The following MAN2A1 variants were observed in gnomAD, a reference collection of about 807,000 sequenced individuals.
The protein encoded by MAN2A1 is alpha-mannosidase 2.
Under a neutral mutation model 142.6 loss-of-function variants are expected in MAN2A1, and 76 were observed. That is an observed-to-expected ratio of 0.53 (90% CI 0.44 to 0.65). MAN2A1 has a LOEUF of 0.65. Ranked by LOEUF, MAN2A1 falls within the 30% of genes least tolerant of loss-of-function variation. The pLI is 0.00. For missense variants in MAN2A1, 1,311 were observed against 1,365.1 expected, an observed-to-expected ratio of 0.96 and a Z score of 0.62; for synonymous variants, 559 against 473.2, an observed-to-expected ratio of 1.18 and a Z score of -2.35.
intron 20 of MAN2A1, among the ~76,000 whole-genome samples, chr5:109,857,378 A>G (rs1755652033): frequency 6.6e-6 from 1 of 152,190 alleles, no homozygotes; most frequent in South Asian, 2.1e-4. Context: ...TTCATGAGCT[A>G]AAAGAAACAG....
At chr5:109,718,760 G>C (rs1471073936) in intron 3 of MAN2A1, among the ~76,000 whole-genome samples, 1 of 152,158 alleles carries the variant, frequency 6.6e-6, no homozygotes, top group East Asian at 1.9e-4. Context: ...TAGAATGTTA[G>C]CTCATTAAGG....
intron 8 of MAN2A1, among the ~76,000 whole-genome samples, chr5:109,779,932 G>C (rs1753406449): frequency 6.6e-6 from 1 of 152,082 alleles, no homozygotes; most frequent in African/African-American, 2.4e-5. Flanking sequence ...ACCACAACTA[G>C]ATTACAGTCA....
intron 19 of MAN2A1, among the ~76,000 whole-genome samples, chr5:109,853,259 A>C (rs1317369081): frequency 2.6e-5 from 4 of 152,072 alleles, no homozygotes; most frequent in Non-Finnish European, 5.9e-5. Flanking sequence ...AGGGTCATGG[A>C]GCAGTGTGCG....
At chr5:109,795,604 T>C (rs1753838106) in intron 12 of MAN2A1, among the ~76,000 whole-genome samples, 1 of 152,154 alleles carries the variant, frequency 6.6e-6, no homozygotes, top group African/African-American at 2.4e-5. Flanking sequence ...AAAAATGCAA[T>C]TACTTGCTGA....
At chr5:109,707,334 G>A (rs1751162427) in intron 1 of MAN2A1, among the ~76,000 whole-genome samples, 1 of 152,012 alleles carries the variant, frequency 6.6e-6, no homozygotes, top group Admixed American at 6.6e-5. Flanking sequence ...GGGTTTGTAT[G>A]CCAAAACATT....
At chr5:109,844,048 G>A (rs573888165) in intron 17 of MAN2A1, among the ~76,000 whole-genome samples, 1 of 152,164 alleles carries the variant, frequency 6.6e-6, no homozygotes, top group East Asian at 1.9e-4. Context: ...ATGTTAATTC[G>A]ACTACAGCCA....
chr5:109,786,201 G>A (rs553576202), intron 10 of MAN2A1, among the ~76,000 whole-genome samples: 2 of 152,086 alleles, frequency 1.3e-5, no homozygotes, highest in African/African-American at 4.8e-5. Flanking sequence ...GATAAAGATG[G>A]TATTTCTCCC....
chr5:109,777,889 A>G (rs1372106119), intron 8 of MAN2A1, among the ~76,000 whole-genome samples: 1 of 152,038 alleles, frequency 6.6e-6, no homozygotes, highest in Non-Finnish European at 1.5e-5. Flanking sequence ...GTCTGTGTCT[A>G]CACTCTCTAT....
At chr5:109,828,617 G>T (rs1319662978) in intron 16 of MAN2A1, among the ~76,000 whole-genome samples, 1 of 152,176 alleles carries the variant, frequency 6.6e-6, no homozygotes, top group African/African-American at 2.4e-5. Context: ...TTTCATTGGC[G>T]CAAGGACTGT....
In MAN2A1 at chr5:109,802,342, C is replaced by T. The variant is rs2042166; in HGVS notation, c.1943+12815C>T. On this transcript the variant is annotated intron_variant, in intron 12 of 21. Transcript: ENST00000261483. ...TCTCCTTTGAAATTTCTGAATGTTCCGATCAAAAAATAAAGATTCTATAAA... is the reference window on the plus strand; with the variant it reads ...TCTCCTTTGAAATTTCTGAATGTTCTGATCAAAAAATAAAGATTCTATAAA... Among the ~76,000 whole-genome samples the T allele has an allele frequency of 0.011, 1,727 of 152,060 alleles. 166 individuals carry two copies. The East Asian group carries it at 0.24, about 21-fold the overall frequency.
chr5:109,752,446 C>T lies in MAN2A1; in HGVS notation c.708-2883C>T, dbSNP rs577995136. Among the ~76,000 whole-genome samples, 16 of 152,318 alleles carry T rather than the reference C, an allele frequency of 1.1e-4. No homozygotes were observed. The South Asian group carries it at 2.1e-3, about 20-fold the overall frequency. ...GCCAAGCAAGCTTCTGAGTGCCGGACGTGCCAACGTGAACAAAACACATTC... is the reference window on the plus strand; with the variant it reads ...GCCAAGCAAGCTTCTGAGTGCCGGATGTGCCAACGTGAACAAAACACATTC... On this transcript the variant is annotated intron_variant, in intron 4 of 21. Coordinates refer to ENST00000261483, the MANE Select transcript of MAN2A1 (RefSeq NM_002372.4).
In MAN2A1 at chr5:109,778,758, A is replaced by G. The variant is rs564974893; in HGVS notation, c.1375-2638A>G. On this transcript the variant is annotated intron_variant, in intron 8 of 21. Coordinates refer to ENST00000261483, the MANE Select transcript of MAN2A1 (RefSeq NM_002372.4). ...AATGTCTTCAAAGCTTTTTCTTTCT[A>G]CAGTTTATCTAGTTATATCTGTTTC... 6.0e-4 allele frequency among the ~76,000 whole-genome samples: 91 copies of G among 152,080 alleles called. 1 individual carries two copies. Among genetic ancestry groups the G allele is most frequent in the African/African-American group, 2.1e-3 (89 of 41,518 alleles).
intron 3 of MAN2A1, among the ~76,000 whole-genome samples, chr5:109,725,913 T>TA (rs556521279): frequency 0.011 from 1,674 of 151,468 alleles, 11 homozygotes; most frequent in Non-Finnish European, 0.016. Flanking sequence ...TTTTAGAACT[T>TA]AAAAAAAAAT....
At chr5:109,814,277 T>C (rs535003243) in intron 12 of MAN2A1, among the ~76,000 whole-genome samples, 9 of 152,338 alleles carry the variant, frequency 5.9e-5, no homozygotes, top group African/African-American at 2.2e-4. Flanking sequence ...CTGAAACCTA[T>C]TGGTTTCATT....
At chr5:109,775,921 T>A (rs1753278652) in intron 8 of MAN2A1, among the ~76,000 whole-genome samples, 1 of 152,138 alleles carries the variant, frequency 6.6e-6, no homozygotes, top group South Asian at 2.1e-4. Flanking sequence ...ATTGATTTTT[T>A]ATTGATACAT....
rs1409693967 is a variant in MAN2A1, at chr5:109,864,846, A to G, written c.3172-190A>G. On this transcript the variant is annotated intron_variant, in intron 20 of 21. Transcript: ENST00000261483. The stretch of plus-strand genomic sequence containing the variant: ...CTTAGAACATAATCTTACCTGGCTC[A>G]GTACAAGTAGGAGAGAATGGTAGCA... The G allele has an allele frequency of 1.9e-5, 11 of 570,980 alleles. No individual in the cohort carries two copies. The East Asian group carries it at 2.6e-4, about 13-fold the overall frequency. The allele number at this position is 570,980 out of a possible 1,614,324, so 35.4% of individuals were successfully genotyped here. A position where few individuals can be genotyped will look rare whatever the true frequency, so the allele number is the denominator to read the frequency against.
intron 8 of MAN2A1, among the ~76,000 whole-genome samples, chr5:109,780,381 G>A: frequency 6.6e-6 from 1 of 152,064 alleles, no homozygotes; most frequent in East Asian, 1.9e-4. Context: ...TTTTCTTAGA[G>A]CCCTATTCAC....
Position 109,820,296 on chromosome 5 carries a change from G to C in MAN2A1, c.2405G>C (p.Arg802Thr). 6.2e-7 allele frequency: 1 copy of C among 1,613,138 alleles called. No individual in the cohort carries two copies. Among genetic ancestry groups the C allele is most frequent in the East Asian group, 2.2e-5 (1 of 44,834 alleles). Residue 802 changes from arginine to threonine, a missense_variant, in exon 15 of 22, where the codon AGA becomes ACA. By Grantham distance (71) the Arg-to-Thr change is moderately conservative. This residue lies in a region of MAN2A1 where 890 missense variants were observed against 920.5 expected (regional missense o/e 0.97). Coordinates refer to ENST00000261483, the MANE Select transcript of MAN2A1 (RefSeq NM_002372.4). Reference protein sequence around the residue: ...QFSWYGTTIKRDKSGAYLFLP... With the variant: ...QFSWYGTTIKTDKSGAYLFLP... ...TCATGGTATGGAACCACAATTAAAAGAGACAAAAGTGGTGCCTACCTCTTC... is the reference window on the plus strand; with the variant it reads ...TCATGGTATGGAACCACAATTAAAACAGACAAAAGTGGTGCCTACCTCTTC...
rs866119529 is a variant in MAN2A1, at chr5:109,865,361, A to G, written c.3282+215A>G. On this transcript the variant is annotated intron_variant, in intron 21 of 21. Coordinates refer to ENST00000261483, the MANE Select transcript of MAN2A1 (RefSeq NM_002372.4). ...ACATCAAAAGGCATAGCTGGAATTT[A>G]TGCACATTTGAAGGCAATGCTCTTG... The G allele has an allele frequency of 1.6e-4, 84 of 533,926 alleles. No homozygotes were observed. The South Asian group carries it at 1.7e-3, about 11-fold the overall frequency. The allele number at this position is 533,926 out of a possible 1,614,324, so 33.1% of individuals were successfully genotyped here. A position where few individuals can be genotyped will look rare whatever the true frequency, so the allele number is the denominator to read the frequency against.
Sources: gnomAD v4.1 joint callset for allele counts (sites outside exome capture counted in the v4.1 genomes callset) on GRCh38, gnomAD v4.1.1 for gene constraint, gnomAD v4.1.1 regional missense constraint, MANE v1.5 for transcripts, NCBI Gene and HGNC (gene_info 2026-07-23, HGNC 2026-07-21) for gene names.